Variants in DCC observed in about 807,000 individuals in gnomAD.
DCC encodes the protein DCC netrin 1 receptor.
Under a neutral mutation model 172.5 loss-of-function variants are expected in DCC, and 58 were observed. The ratio of observed to expected loss-of-function variants is 0.34; its 90% confidence interval spans 0.27 to 0.42. The LOEUF (loss-of-function observed/expected upper bound fraction) is 0.42. Among genes scored for constraint, DCC ranks in the 10% least tolerant of loss-of-function variants. The pLI is 1.00. For synonymous variants in DCC, 709 were observed against 644.5 expected (o/e 1.10, Z -1.52); for missense variants, 1,740 against 1,791.0 (o/e 0.97, Z 0.51).
intron 25 of DCC, among the ~76,000 whole-genome samples, chr18:53,469,141 G>A (rs192484538): frequency 5.1e-4 from 77 of 151,696 alleles, no homozygotes; most frequent in South Asian, 1.5e-3. Context: ...CATCCCCTTC[G>A]TGTCCTCATT....
At chr18:53,107,335 A>G (rs894721014) in intron 7 of DCC, among the ~76,000 whole-genome samples, 1 of 151,852 alleles carries the variant, frequency 6.6e-6, no homozygotes, top group African/African-American at 2.4e-5. Flanking sequence ...TGATAGAAGT[A>G]GATCCTTCTA....
intron 3 of DCC, among the ~76,000 whole-genome samples, chr18:52,918,991 C>A (rs985954782): frequency 6.6e-6 from 1 of 152,108 alleles, no homozygotes; most frequent in Non-Finnish European, 1.5e-5. Flanking sequence ...TGAACAGTTT[C>A]TCTGCTGGTT....
At chr18:52,379,234 A>G (rs916853948) in intron 1 of DCC, among the ~76,000 whole-genome samples, 11 of 150,538 alleles carry the variant, frequency 7.3e-5, no homozygotes, top group African/African-American at 2.7e-4. Context: ...TGACCTTGCT[A>G]CAAAAGCATA....
At chr18:52,354,790 C>G (rs927198570) in intron 1 of DCC, among the ~76,000 whole-genome samples, 8 of 152,184 alleles carry the variant, frequency 5.3e-5, no homozygotes, top group Non-Finnish European at 1.0e-4. Flanking sequence ...GATTACTCAG[C>G]TATTACTTGC....
intron 1 of DCC, among the ~76,000 whole-genome samples, chr18:52,414,611 CT>C (rs1986954902): frequency 6.6e-6 from 1 of 152,120 alleles, no homozygotes. Flanking sequence ...GCATAGACAG[CT>C]GTGGAAAACA....
intron 27 of DCC, among the ~76,000 whole-genome samples, chr18:53,525,188 A>C (rs2046441139): frequency 6.6e-6 from 1 of 152,120 alleles, no homozygotes; most frequent in African/African-American, 2.4e-5. Flanking sequence ...GTTGACAAGA[A>C]ATTGCACAGA....
chr18:52,893,467 A>G (rs1474303174), intron 2 of DCC, among the ~76,000 whole-genome samples: 1 of 152,198 alleles, frequency 6.6e-6, no homozygotes, highest in Admixed American at 6.6e-5. Flanking sequence ...TAACATGCTC[A>G]ATTAAAAGTT....
At chr18:52,865,067 G>A (rs2039200794) in intron 2 of DCC, among the ~76,000 whole-genome samples, 1 of 151,830 alleles carries the variant, frequency 6.6e-6, no homozygotes, top group Non-Finnish European at 1.5e-5. Context: ...GGGTTTCATT[G>A]TGTTTGCCAG....
intron 25 of DCC, among the ~76,000 whole-genome samples, chr18:53,478,087 C>T (rs1249483766): frequency 6.6e-6 from 1 of 152,142 alleles, no homozygotes; most frequent in Non-Finnish European, 1.5e-5. Flanking sequence ...AGAATAACAC[C>T]AGTGAGGGTG....
At chr18:53,310,838 A>G (rs1002937347) in intron 13 of DCC, among the ~76,000 whole-genome samples, 4 of 152,200 alleles carry the variant, frequency 2.6e-5, no homozygotes, top group African/African-American at 9.6e-5. Context: ...GAAATAGAAC[A>G]TAAGAATTAC....
intron 1 of DCC, among the ~76,000 whole-genome samples, chr18:52,704,348 A>T (rs2145042054): frequency 6.6e-6 from 1 of 152,304 alleles, no homozygotes; most frequent in African/African-American, 2.4e-5. Context: ...GACAGCTGGT[A>T]ATTCATTTAT....
intron 14 of DCC, among the ~76,000 whole-genome samples, chr18:53,324,303 CTT>C (rs2057443142): frequency 6.6e-6 from 1 of 152,142 alleles, no homozygotes; most frequent in African/African-American, 2.4e-5. Context: ...GCTTAGAAAA[CTT>C]TCATTCATGT....
intron 12 of DCC, among the ~76,000 whole-genome samples, chr18:53,293,631 A>G (rs2057031814): frequency 6.6e-6 from 1 of 152,052 alleles, no homozygotes; most frequent in Non-Finnish European, 1.5e-5. Flanking sequence ...CGCACCCTAT[A>G]CCTTCAAGTA....
chr18:53,369,991 T>C (rs979879207), intron 15 of DCC, among the ~76,000 whole-genome samples: 3 of 151,750 alleles, frequency 2.0e-5, no homozygotes, highest in Admixed American at 1.3e-4. Flanking sequence ...TTAGGAAGTG[T>C]TCCCTCCTCT....
intron 21 of DCC, among the ~76,000 whole-genome samples, chr18:53,428,074 AAT>A (rs1230366824): frequency 2.3e-5 from 1 of 44,064 alleles, no homozygotes; most frequent in African/African-American, 6.6e-5. Flanking sequence ...TATATCATAT[AAT>A]ATATTATAAT....
intron 25 of DCC, among the ~76,000 whole-genome samples, chr18:53,483,801 C>G (rs986785354): frequency 6.6e-6 from 1 of 151,724 alleles, no homozygotes; most frequent in African/African-American, 2.4e-5. Flanking sequence ...TGGCATATAG[C>G]GTAAAATTTT....
At chr18:52,509,200 C>T (rs191632453) in intron 1 of DCC, among the ~76,000 whole-genome samples, 6 of 151,984 alleles carry the variant, frequency 3.9e-5, no homozygotes, top group Admixed American at 2.0e-4. Context: ...TATAGTAATA[C>T]GAACAACTAA....
At chr18:52,942,581 C>T (rs1330305195) in intron 5 of DCC, among the ~76,000 whole-genome samples, 45 of 152,144 alleles carry the variant, frequency 3.0e-4, no homozygotes. Context: ...GGGCAAAAGG[C>T]ACTTCTTACA....
At chr18:53,004,520 A>G (rs2041615587) in intron 5 of DCC, among the ~76,000 whole-genome samples, 1 of 152,198 alleles carries the variant, frequency 6.6e-6, no homozygotes, top group Non-Finnish European at 1.5e-5. Flanking sequence ...GTGTGTGATT[A>G]TGAAAGATTT....
Sources: gnomAD v4.1 joint callset for allele counts (sites outside exome capture counted in the v4.1 genomes callset) on GRCh38, gnomAD v4.1.1 for gene constraint, MANE v1.5 for transcripts, NCBI Gene and HGNC (gene_info 2026-07-23, HGNC 2026-07-21) for gene names.